The following SDHAF4 variants were observed in gnomAD, a reference collection of about 807,000 sequenced individuals.
The protein encoded by SDHAF4 is succinate dehydrogenase assembly factor 4, mitochondrial.
In SDHAF4, 14 loss-of-function variants were observed where a neutral mutation model predicts 14.3. The observed-to-expected ratio is 0.98, with a 90% CI of 0.65 to 1.53. SDHAF4 has a LOEUF of 1.53. Among genes scored for constraint, SDHAF4 ranks in the 40% most tolerant of loss-of-function variants. The pLI, the probability that SDHAF4 is intolerant of heterozygous loss-of-function variation, is 0.00. For synonymous variants in SDHAF4, 63 were observed against 47.3 expected (o/e 1.33, Z -1.36); for missense variants, 141 against 129.3 (o/e 1.09, Z -0.44).
downstream of SDHAF4, among the ~76,000 whole-genome samples, chr6:70,592,908 A>G (rs942035514): frequency 6.6e-6 from 1 of 152,234 alleles, no homozygotes; most frequent in African/African-American, 2.4e-5. Context: ...GGACAATGGG[A>G]GAAAGATCCC....
intron 2 of SDHAF4, among the ~76,000 whole-genome samples, chr6:70,587,168 T>TCACACACACACACACAAACACACACA (rs1765211903): frequency 7.4e-6 from 1 of 135,448 alleles, no homozygotes; most frequent in African/African-American, 2.8e-5. Flanking sequence ...TGAAACTCCA[T>TCACACACACACACACAAACACACACA]CACACACACA....
intron 2 of SDHAF4, among the ~76,000 whole-genome samples, chr6:70,586,428 C>CTTTTTTTTTTTTTTTTTTTT (rs70990316): frequency 1.2e-5 from 1 of 80,304 alleles, no homozygotes; most frequent in Non-Finnish European, 2.4e-5. Flanking sequence ...ATTTGTTTGC[C>CTTTTTTTTTTTTTTTTTTTT]TTTTTTTTTT....
the SDHAF4 span, among the ~76,000 whole-genome samples, chr6:70,598,270 T>C: frequency 6.6e-6 from 1 of 152,146 alleles, no homozygotes; most frequent in African/African-American, 2.4e-5. Context: ...CCCCAACTAC[T>C]TGGGAGGCCG....
chr6:70,587,981 T>C (rs1750181649), intron 2 of SDHAF4, among the ~76,000 whole-genome samples: 1 of 152,242 alleles, frequency 6.6e-6, no homozygotes, highest in South Asian at 2.1e-4. Context: ...ATGTATTACC[T>C]TGTTTAATTA....
chr6:70,578,485 G>A (rs1414110848), intron 1 of SDHAF4, among the ~76,000 whole-genome samples: 1 of 152,116 alleles, frequency 6.6e-6, no homozygotes, highest in East Asian at 1.9e-4. Flanking sequence ...TTTCTCAGAT[G>A]TGTAGTTTGC....
At chr6:70,575,198 C>T (rs12525538) in intron 1 of SDHAF4, among the ~76,000 whole-genome samples, 22,968 of 152,084 alleles carry the variant, frequency 0.15, 1,887 homozygotes, top group Middle Eastern at 0.2. Flanking sequence ...GCCAACATGG[C>T]GAAACCCTAT....
At chr6:70,580,103 G>A (rs1344913749) in intron 2 of SDHAF4, among the ~76,000 whole-genome samples, 1 of 152,112 alleles carries the variant, frequency 6.6e-6, no homozygotes, top group Non-Finnish European at 1.5e-5. Context: ...GTATGTGTGT[G>A]TGTGTGTAGA....
downstream of SDHAF4, among the ~76,000 whole-genome samples, chr6:70,594,238 T>C (rs771946388): frequency 7.2e-4 from 109 of 152,342 alleles, no homozygotes; most frequent in Non-Finnish European, 1.4e-3. Context: ...TGTATTTGTA[T>C]GTGATAAGGA....
chr6:70,578,899 T>C (rs1802287816), intron 1 of SDHAF4, among the ~76,000 whole-genome samples: 1 of 152,186 alleles, frequency 6.6e-6, no homozygotes, highest in South Asian at 2.1e-4. Context: ...CAGACTAGAA[T>C]TGAGCTCCTG....
chr6:70,594,650 C>T, the SDHAF4 span, among the ~76,000 whole-genome samples: 31 of 152,292 alleles, frequency 2.0e-4, no homozygotes, highest in African/African-American at 6.5e-4. Context: ...CAATGGCTCA[C>T]GCCCATAATC....
intron 1 of SDHAF4, among the ~76,000 whole-genome samples, chr6:70,568,962 CTTT>C (rs5877254): frequency 0.17 from 16,141 of 97,394 alleles, 471 homozygotes; most frequent in Middle Eastern, 0.27. Context: ...TTTCTTTTTT[CTTT>C]TTTTTTTTTT....
the SDHAF4 span, chr6:70,596,298 A>AAAT: frequency 5.9e-5 from 9 of 152,308 alleles, no homozygotes; most frequent in East Asian, 1.7e-3. Context: ...AGGACTATTA[A>AAAT]CACTGACCCA....
At chr6:70,567,626 CAAGAT>C (rs1802118146) in intron 1 of SDHAF4, 1 of 152,132 alleles carries the variant, frequency 6.6e-6, no homozygotes, top group Non-Finnish European at 1.5e-5. Flanking sequence ...AAATTTTTCT[CAAGAT>C]AATACAGTTA....
At chr6:70,590,313 G>A (rs557438146), downstream of SDHAF4, among the ~76,000 whole-genome samples, 1 of 152,320 alleles carries the variant, frequency 6.6e-6, no homozygotes, top group East Asian at 1.9e-4. Context: ...TCAAGAGAGA[G>A]TGACTCAGTG....
intron 1 of SDHAF4, among the ~76,000 whole-genome samples, chr6:70,574,020 G>A (rs964666172): frequency 2.0e-5 from 3 of 150,548 alleles, no homozygotes; most frequent in Non-Finnish European, 4.4e-5. Flanking sequence ...AAAAAGAGAT[G>A]ATGAAAAATG....
chr6:70,573,426 G>A (rs754548116), intron 1 of SDHAF4, among the ~76,000 whole-genome samples: 64 of 151,438 alleles, frequency 4.2e-4, no homozygotes, highest in Non-Finnish European at 8.5e-4. Context: ...ACCACACCCA[G>A]CTAATTTTTG....
rs1019189066 is a variant in SDHAF4, at chr6:70,589,195, C to G, written c.*471C>G. 6.6e-6 allele frequency: 1 copy of G among 152,134 alleles called. No homozygotes were observed. Among genetic ancestry groups the G allele is most frequent in the Non-Finnish European group, 1.5e-5 (1 of 68,076 alleles). 9.4% of individuals were successfully genotyped at this position (152,134 alleles called of 1,614,324 possible). On this transcript the variant is annotated 3_prime_UTR_variant, in exon 3 of 3. Transcript: ENST00000370474. ...TTCTTGTTTTTTTGAGACAGAGTCT[C>G]TCTCTCTCACCCAGGCTGGAGTGGA...
chr6:70,568,443 C>A (rs1284531853), intron 1 of SDHAF4, among the ~76,000 whole-genome samples: 7 of 152,152 alleles, frequency 4.6e-5, no homozygotes, highest in Admixed American at 3.3e-4. Context: ...TACAACTGTG[C>A]AATGGTGTTT....
intron 1 of SDHAF4, among the ~76,000 whole-genome samples, chr6:70,576,871 T>C (rs139731276): frequency 5.6e-4 from 86 of 152,332 alleles, no homozygotes; most frequent in Non-Finnish European, 1.1e-3. Context: ...TAGTAAGTGG[T>C]TGCATTTGTT....
Sources: allele counts gnomAD v4.1 joint callset (sites outside exome capture counted in the v4.1 genomes callset), GRCh38; gene constraint gnomAD v4.1.1; transcripts MANE v1.5; gene names NCBI Gene and HGNC (gene_info 2026-07-23, HGNC 2026-07-21).